Variants in CPS1 observed in about 807,000 individuals in gnomAD.
The protein encoded by CPS1 is carbamoyl-phosphate synthase [ammonia], mitochondrial.
Under a neutral mutation model 174.6 loss-of-function variants are expected in CPS1, and 109 were observed. The ratio of observed to expected loss-of-function variants is 0.62; its 90% CI spans 0.53 to 0.73. The LOEUF is 0.73. CPS1 is among the 30% of genes least tolerant of loss of function. The probability of loss-of-function intolerance (pLI) is 0.00; values close to 1 mark genes in which losing one functional copy is unlikely to be tolerated. For missense variants in CPS1, 1,689 were observed against 1,821.9 expected (o/e 0.93, Z 1.33); for synonymous variants, 637 against 632.0 (o/e 1.01, Z -0.12).
chr2:210,485,731 A>G (rs1379260219), intron 1 of CPS1, among the ~76,000 whole-genome samples: 1 of 152,172 alleles, frequency 6.6e-6, no homozygotes, highest in East Asian at 1.9e-4. Flanking sequence ...AAATAAAGCT[A>G]CAAGTAACAT....
intron 21 of CPS1, among the ~76,000 whole-genome samples, chr2:210,616,771 C>T (rs1294418594): frequency 6.6e-6 from 1 of 151,728 alleles, no homozygotes; most frequent in Non-Finnish European, 1.5e-5. Context: ...TATTCCCACC[C>T]TTGTCATCAG....
At chr2:210,486,093 C>G (rs4672579) in intron 1 of CPS1, among the ~76,000 whole-genome samples, 1 of 131,868 alleles carries the variant, frequency 7.6e-6, no homozygotes, top group Non-Finnish European at 1.6e-5. Flanking sequence ...TATATATATA[C>G]ATATATATAT....
In CPS1 at chr2:210,658,666, T is replaced by C; in HGVS notation, c.3734T>C (p.Leu1245Pro). 1.2e-6 allele frequency: 2 copies of C among 1,613,958 alleles called. No homozygotes were observed. The highest frequency in any genetic ancestry group is 8.5e-7 in the Non-Finnish European group (1 of 1,179,852). ...AISGPFNVQF[L>P]VKGNDVLVIE... Reference sequence around the variant, plus strand: ...TCTGGTCCATTCAACGTCCAATTTCTTGTCAAAGGAAATGATGTCTTGGTA... The same window carrying C: ...TCTGGTCCATTCAACGTCCAATTTCCTGTCAAAGGAAATGATGTCTTGGTA... Residue 1245 changes from leucine (L) to proline (P), a missense_variant, in exon 31 of 38, where the codon CTT (leucine) becomes CCT (proline). Physicochemically the swap from Leu to Pro is moderately conservative, Grantham distance 98. Coordinates refer to ENST00000233072, the MANE Select transcript of CPS1 (RefSeq NM_001875.5).
chr2:210,605,250 G>C lies in CPS1; in HGVS notation c.1981+4G>C, dbSNP rs1326054439. On this transcript the variant is annotated splice_donor_region_variant and intron_variant, in intron 17 of 37. Transcript: ENST00000233072. Reference sequence around the variant, plus strand: ...GATGCCATGGGTGTTCACACAGGTAGGCAAAGTATCTTCAAGAACTATAGT... The same window carrying C: ...GATGCCATGGGTGTTCACACAGGTACGCAAAGTATCTTCAAGAACTATAGT... 20 of 1,611,774 alleles carry C rather than the reference G, an allele frequency of 1.2e-5. No individual in the cohort carries two copies. The highest frequency in any genetic ancestry group is 1.7e-5 in the Non-Finnish European group (20 of 1,178,452).
At chr2:210,554,805 G>A (rs140064227), upstream of CPS1, among the ~76,000 whole-genome samples, 778 of 147,984 alleles carry the variant, frequency 5.3e-3, 5 homozygotes, top group African/African-American at 0.018. Context: ...AGTTTATATC[G>A]TTTTCTTAAT....
At chr2:210,641,130 A>G (rs911738790) in intron 24 of CPS1, among the ~76,000 whole-genome samples, 5 of 151,924 alleles carry the variant, frequency 3.3e-5, no homozygotes, top group Non-Finnish European at 1.5e-5. Context: ...CCTCACCCCC[A>G]GTTTTTTCTG....
At chr2:210,617,956 T>C (rs567897763) in intron 21 of CPS1, 2 of 152,110 alleles carry the variant, frequency 1.3e-5, no homozygotes, top group African/African-American at 4.8e-5. Flanking sequence ...AGTATGCCAG[T>C]CACAGCAGTG....
intron 6 of CPS1, among the ~76,000 whole-genome samples, chr2:210,583,678 G>A (rs1355717695): frequency 6.6e-6 from 1 of 152,094 alleles, no homozygotes; most frequent in Non-Finnish European, 1.5e-5. Flanking sequence ...TGAACCAAGG[G>A]GTTCACACCT....
intron 1 of CPS1, among the ~76,000 whole-genome samples, chr2:210,504,045 C>A (rs1695216082): frequency 6.6e-6 from 1 of 152,034 alleles, no homozygotes; most frequent in African/African-American, 2.4e-5. Flanking sequence ...AAAGAGATTG[C>A]ATTCCTTCCC....
At chr2:210,508,443 A>G (rs1695351768) in intron 1 of CPS1, among the ~76,000 whole-genome samples, 2 of 152,010 alleles carry the variant, frequency 1.3e-5, no homozygotes, top group African/African-American at 4.8e-5. Flanking sequence ...TCTAAAATTG[A>G]CACCCTAACA....
chr2:210,491,815 T>A (rs962971829), intron 1 of CPS1, among the ~76,000 whole-genome samples: 3 of 152,224 alleles, frequency 2.0e-5, no homozygotes, highest in Non-Finnish European at 2.9e-5. Flanking sequence ...GGGGGTCCTA[T>A]AACAGCTGGA....
At chr2:210,527,602 G>A (rs1696007807) in intron 1 of CPS1, among the ~76,000 whole-genome samples, 1 of 151,812 alleles carries the variant, frequency 6.6e-6, no homozygotes, top group Non-Finnish European at 1.5e-5. Flanking sequence ...CCCTGACCAG[G>A]ATAAGTCCCT....
chr2:210,659,162 A>G (rs746073681), intron 31 of CPS1, among the ~76,000 whole-genome samples: 3 of 152,204 alleles, frequency 2.0e-5, no homozygotes, highest in African/African-American at 2.4e-5. Flanking sequence ...TTGTGTTGCT[A>G]TAACAGAATA....
At chr2:210,603,762 G>GA (rs578205774) in intron 16 of CPS1, among the ~76,000 whole-genome samples, 36 of 151,540 alleles carry the variant, frequency 2.4e-4, no homozygotes, top group Middle Eastern at 3.4e-3. Context: ...TTTTCTTGTT[G>GA]AAAAAAACCC....
At chr2:210,507,443 G>T (rs1035623828) in intron 1 of CPS1, among the ~76,000 whole-genome samples, 1 of 152,116 alleles carries the variant, frequency 6.6e-6, no homozygotes, top group Non-Finnish European at 1.5e-5. Flanking sequence ...GTAAAGACCA[G>T]CGAGGCTAGG....
chr2:210,588,194 A>G (rs1698170066), intron 7 of CPS1, 47 bp downstream of exon 7: 6 of 1,512,320 alleles, frequency 4.0e-6, no homozygotes, highest in South Asian at 1.1e-5. Context: ...CATATTGACC[A>G]TTAGTGTTCA....
chr2:210,508,577 A>G (rs1206251921), intron 1 of CPS1, among the ~76,000 whole-genome samples: 2 of 152,204 alleles, frequency 1.3e-5, no homozygotes, highest in Non-Finnish European at 2.9e-5. Flanking sequence ...TCAAAAAATC[A>G]ATGAATCCAG....
At chr2:210,642,183 T>C (rs1700246111) in intron 24 of CPS1, among the ~76,000 whole-genome samples, 1 of 152,204 alleles carries the variant, frequency 6.6e-6, no homozygotes, top group Non-Finnish European at 1.5e-5. Flanking sequence ...ATTTTTATCA[T>C]TAAAATTACC....
chr2:210,634,865 C>T (rs1193106751), intron 21 of CPS1, among the ~76,000 whole-genome samples: 1 of 152,204 alleles, frequency 6.6e-6, no homozygotes, highest in Non-Finnish European at 1.5e-5. Context: ...GTGCCATGTC[C>T]ACTGCTGCTC....
Sources: allele counts gnomAD v4.1 joint callset (sites outside exome capture counted in the v4.1 genomes callset), GRCh38; gene constraint gnomAD v4.1.1; transcripts MANE v1.5; gene names NCBI Gene and HGNC (gene_info 2026-07-23, HGNC 2026-07-21).